Variants in IL17RE observed in about 807,000 individuals in gnomAD.
IL17RE encodes interleukin 17 receptor E, also known as interleukin-17 receptor E.
Under a neutral mutation model 70.7 loss-of-function variants are expected in IL17RE, and 47 were observed. The ratio of observed to expected loss-of-function variants is 0.67; its 90% CI spans 0.53 to 0.85. The LOEUF (loss-of-function observed/expected upper bound fraction) is 0.85. Among genes scored for constraint, IL17RE ranks in the 40% least tolerant of loss-of-function variants. The probability of loss-of-function intolerance (pLI) is 0.00; values close to 1 mark genes in which losing one functional copy is unlikely to be tolerated. For synonymous variants in IL17RE, 372 were observed against 381.2 expected, an observed-to-expected ratio of 0.98 and a Z score of 0.28; for missense variants, 850 against 893.9, an observed-to-expected ratio of 0.95 and a Z score of 0.63.
chr3:9,915,873 G>A lies in IL17RE; in HGVS notation c.*66G>A, dbSNP rs1003831009. ...GCAACGGACACTGGCTGGAACCCCG[G>A]AATGAGCCTTCGACCCTGAAATCCT... On this transcript the variant is annotated 3_prime_UTR_variant, in exon 16 of 16. Transcript: ENST00000383814. This position sits in a 1 kb window ranked among gnomAD's most constrained non-coding sequence, Gnocchi z 4.9. 3 of 1,435,492 alleles carry A rather than the reference G, an allele frequency of 2.1e-6. No individual in the cohort carries two copies. The South Asian group carries it at 4.4e-5, about 21-fold the overall frequency. The allele number at this position is 1,435,492 out of a possible 1,614,324, so 88.9% of individuals were successfully genotyped here. A position where few individuals can be genotyped will look rare whatever the true frequency, so the allele number is the denominator to read the frequency against.
At chr3:9,903,847 A>G (rs996161298) in intron 2 of IL17RE, among the ~76,000 whole-genome samples, 185 bp from the exon 3 acceptor site, 1 of 152,156 alleles carries the variant, frequency 6.6e-6, no homozygotes, top group Non-Finnish European at 1.5e-5. Context: ...TTTCCCATAC[A>G]CTACAATTTT....
chr3:9,914,623 T>TAAGAGGGAGGC, intron 14 of IL17RE, 24 bp downstream of exon 14: 1 of 1,612,262 alleles, frequency 6.2e-7, no homozygotes, highest in East Asian at 2.2e-5. Flanking sequence ...GAGGGGGAGG[T>TAAGAGGGAGGC]AAGAGGGAGG....
chr3:9,915,885 G>T lies in IL17RE; in HGVS notation c.*78G>T. ...GGCTGGAACCCCGGAATGAGCCTTC[G>T]ACCCTGAAATCCTTGGGGTGCCTCG... is the stretch of plus-strand genomic sequence containing the variant. On this transcript the variant is annotated 3_prime_UTR_variant, in exon 16 of 16. Coordinates refer to ENST00000383814, the MANE Select transcript of IL17RE (RefSeq NM_153480.2). The surrounding 1 kb of genome is among the most constrained non-coding windows in gnomAD (Gnocchi z 4.9). The T allele has an allele frequency of 7.0e-7, 1 of 1,426,604 alleles. No homozygotes were observed. Among genetic ancestry groups the T allele is most frequent in the South Asian group, 1.5e-5 (1 of 66,980 alleles). 88.4% of individuals were successfully genotyped at this position (1,426,604 alleles called of 1,614,324 possible).
At chr3:9,913,903 C>A in intron 12 of IL17RE, 53 bp from the exon 13 acceptor site, 1 of 1,448,910 alleles carries the variant, frequency 6.9e-7, no homozygotes, top group Non-Finnish European at 9.7e-7. Flanking sequence ...CAAGGCCAGA[C>A]AGGGCCAGAT....
chr3:9,905,981 G>A (rs1221032615), intron 3 of IL17RE, among the ~76,000 whole-genome samples: 2 of 152,064 alleles, frequency 1.3e-5, no homozygotes, highest in Non-Finnish European at 2.9e-5. Context: ...CTATCAGGCC[G>A]GCTCATGCCT....
chr3:9,908,656 C>T lies in IL17RE; in HGVS notation c.735+349C>T, dbSNP rs180797624. Among the ~76,000 whole-genome samples, 7 of 152,354 alleles carry T rather than the reference C, an allele frequency of 4.6e-5. No homozygotes were observed. The East Asian group carries it at 1.3e-3, about 29-fold the overall frequency. ...AGTGTGTGCATGGCCACTGCAGGAT[C>T]CATATGCCCCCAAAAGTCTTGTCCC... is the stretch of plus-strand genomic sequence containing the variant. On this transcript the variant is annotated intron_variant, in intron 7 of 15. Coordinates refer to ENST00000383814, the MANE Select transcript of IL17RE (RefSeq NM_153480.2).
chr3:9,904,157 A>G lies in IL17RE; in HGVS notation c.268+6A>G. ...TCTGCTGTCAGGTGGCTCAGGTATG[A>G]GAAACAGCCCCTTGGGCCATTCTCA... On this transcript the variant is annotated splice_donor_region_variant and intron_variant, in intron 3 of 15. Transcript: ENST00000383814. 6.2e-7 allele frequency: 1 copy of G among 1,614,018 alleles called. No homozygotes were observed. Among genetic ancestry groups the G allele is most frequent in the South Asian group, 1.1e-5 (1 of 91,084 alleles).
At chr3:9,903,492 T>G in intron 2 of IL17RE, 80 bp downstream of exon 2, 1 of 1,500,732 alleles carries the variant, frequency 6.7e-7, no homozygotes, top group Non-Finnish European at 9.3e-7. Context: ...CCATTCTAAT[T>G]TTCAGTTCCC....
At chr3:9,904,287 A>C in intron 3 of IL17RE, 136 bp downstream of exon 3, 1 of 889,528 alleles carries the variant, frequency 1.1e-6, no homozygotes. Flanking sequence ...TTATCCTAAA[A>C]TAGCACGCTA....
rs764863261 is a variant in IL17RE at position 9,903,860 on chromosome 3, T to C, written c.149-172T>C. On this transcript the variant is annotated intron_variant, in intron 2 of 15. Transcript: ENST00000383814. ...ATTTTCCCATACACTACAATTTTGA[T>C]TTTTATAACAGACCCGCTTTATGAA... Among the ~76,000 whole-genome samples the C allele has an allele frequency of 7.0e-4, 107 of 152,226 alleles. 1 individual carries two copies. Among genetic ancestry groups the C allele is most frequent in the Non-Finnish European group, 3.4e-4 (23 of 68,044 alleles).
intron 3 of IL17RE, among the ~76,000 whole-genome samples, chr3:9,905,480 CGAAG>C (rs2082731577): frequency 6.8e-6 from 1 of 147,504 alleles, no homozygotes; most frequent in East Asian, 2.0e-4. Flanking sequence ...AAGGAAGGAA[CGAAG>C]GAAGGAAGGA....
At chr3:9,906,611 G>A (rs1395992475) in intron 4 of IL17RE, 95 bp from the exon 5 acceptor site, 2 of 1,503,416 alleles carry the variant, frequency 1.3e-6, no homozygotes, top group South Asian at 1.2e-5. Context: ...AAGAGTTTGA[G>A]CAACTTGCCT....
Position 9,911,593 on chromosome 3 carries a change from G to C in IL17RE, c.1223G>C (p.Ser408Thr). 1.2e-6 allele frequency: 2 copies of C among 1,610,984 alleles called. No individual in the cohort carries two copies. The highest frequency in any genetic ancestry group is 2.7e-5 in the African/African-American group (2 of 75,006). Reference sequence around the variant, plus strand: ...TTGGTGCCCCCCGTGTACACTGTCAGCCAGGTATGGCCTCGCCCCCACTAG... The same window carrying C: ...TTGGTGCCCCCCGTGTACACTGTCACCCAGGTATGGCCTCGCCCCCACTAG... ...DTLVPPVYTV[S>T]QARGSSPVSL... Residue 408 changes from serine to threonine, a missense_variant, in exon 12 of 16, where the codon AGC (serine) becomes ACC (threonine). Physicochemically the swap from Ser to Thr is moderately conservative, Grantham distance 58. Coordinates refer to ENST00000383814, the MANE Select transcript of IL17RE (RefSeq NM_153480.2).
In IL17RE at chr3:9,916,028, CCT is replaced by C. The variant is rs2083057464; in HGVS notation, c.*222_*223del. ...CCCTTGACTGAGAGCTCCTCTAACC[CCT>C]GTTCTGATGGGGGAGGGCGGTCTTC... is the stretch of plus-strand genomic sequence containing the variant. On this transcript the variant is annotated 3_prime_UTR_variant, in exon 16 of 16. Coordinates refer to ENST00000383814, the MANE Select transcript of IL17RE (RefSeq NM_153480.2). 1 of 719,846 alleles carries C rather than the reference CCT, an allele frequency of 1.4e-6. No homozygotes were observed. Among genetic ancestry groups the C allele is most frequent in the Non-Finnish European group, 2.0e-6 (1 of 505,366 alleles). The allele number at this position is 719,846 out of a possible 1,614,324, so 44.6% of individuals were successfully genotyped here.
In IL17RE at chr3:9,906,957, C is replaced by T. The variant is rs1165700982; in HGVS notation, c.527-4C>T. On this transcript the variant is annotated splice_region_variant and splice_polypyrimidine_tract_variant and intron_variant, in intron 5 of 15. Transcript: ENST00000383814. ...CAAGGCCACTGAGTCCTTCCTCTCC[C>T]CAGGACCCGAGTTCTCCTTTGATTT... is the stretch of plus-strand genomic sequence containing the variant. The T allele has an allele frequency of 2.5e-6, 4 of 1,613,996 alleles. No homozygotes were observed. The highest frequency in any genetic ancestry group is 1.1e-5 in the South Asian group (1 of 91,076).
rs762926614 is a variant in IL17RE at position 9,915,737 on chromosome 3, G to T, written c.1934G>T (p.Arg645Leu). 1.4e-6 allele frequency: 2 copies of T among 1,463,416 alleles called. No individual in the cohort carries two copies. Among genetic ancestry groups the T allele is most frequent in the African/African-American group, 2.9e-5 (2 of 67,802 alleles). The allele number at this position is 1,463,416 out of a possible 1,614,324, so 90.7% of individuals were successfully genotyped here. A position where few individuals can be genotyped will look rare whatever the true frequency, so the allele number is the denominator to read the frequency against. ...TSWGRLGARQ[R>L]RQSRLELCSR... ...TGGGGCCGCCTTGGGGCGCGGCAGCGCAGGCAGAGCCGCCTAGAGCTGTGC... is the reference window on the plus strand; with the variant it reads ...TGGGGCCGCCTTGGGGCGCGGCAGCTCAGGCAGAGCCGCCTAGAGCTGTGC... Residue 645 changes from arginine (R) to leucine (L), a missense_variant, in exon 16 of 16, where the codon CGC (arginine) becomes CTC (leucine). Physicochemically the swap from Arg to Leu is moderately radical, Grantham distance 102. Coordinates refer to ENST00000383814, the MANE Select transcript of IL17RE (RefSeq NM_153480.2). The surrounding 1 kb of genome is among the most constrained non-coding windows in gnomAD (Gnocchi z 4.9).
chr3:9,909,073 ACAT>A (rs909488525), intron 7 of IL17RE, 141 bp from the exon 8 acceptor site: 2 of 593,614 alleles, frequency 3.4e-6, no homozygotes, highest in African/African-American at 1.9e-5. Flanking sequence ...CCCCCACCCC[ACAT>A]TGCCCCCTCC....
chr3:9,915,929 G>A lies in IL17RE; in HGVS notation c.*122G>A. ...TGCCTCGAGGACGACTGGCCGAAAA[G>A]CCGCATTCCCTGCCTCACAGGCCGG... is the stretch of plus-strand genomic sequence containing the variant. On this transcript the variant is annotated 3_prime_UTR_variant, in exon 16 of 16. Transcript: ENST00000383814. The surrounding 1 kb of genome is among the most constrained non-coding windows in gnomAD (Gnocchi z 4.9). 4 of 1,327,640 alleles carry A rather than the reference G, an allele frequency of 3.0e-6. No homozygotes were observed. Among genetic ancestry groups the A allele is most frequent in the Non-Finnish European group, 3.8e-6 (4 of 1,040,550 alleles). 82.2% of individuals were successfully genotyped at this position (1,327,640 alleles called of 1,614,324 possible).
At chr3:9,905,533 AGGCAGGGACT>A (rs1055063477) in intron 3 of IL17RE, among the ~76,000 whole-genome samples, 6 of 151,636 alleles carry the variant, frequency 4.0e-5, no homozygotes, top group African/African-American at 1.5e-4. Context: ...AAAGAGAGAG[AGGCAGGGACT>A]GGCGTGGTGG....
Sources: gnomAD v4.1 joint callset for allele counts (sites outside exome capture counted in the v4.1 genomes callset) on GRCh38, gnomAD v4.1.1 for gene constraint, Gnocchi (gnomAD v3.1) non-coding constraint, MANE v1.5 for transcripts, NCBI Gene and HGNC (gene_info 2026-07-23, HGNC 2026-07-21) for gene names.